The following GTF2IRD2 variants were observed in gnomAD, a reference collection of about 807,000 sequenced individuals.
GTF2IRD2 encodes general transcription factor II-I repeat domain-containing protein 2A.
A neutral mutation model predicts 49.2 loss-of-function variants in GTF2IRD2; 8 were observed. The ratio of observed to expected loss-of-function variants is 0.16; its 90% confidence interval spans 0.10 to 0.29. The LOEUF is 0.29. Among genes scored for constraint, GTF2IRD2 ranks in the 10% least tolerant of loss-of-function variants. The pLI, the probability that GTF2IRD2 is intolerant of heterozygous loss-of-function variation, is 1.00. For missense variants in GTF2IRD2, 130 were observed against 725.7 expected (o/e 0.18, Z 9.43); for synonymous variants, 47 against 289.7 (o/e 0.16, Z 8.51).
chr7:74,808,741 A>AT lies in GTF2IRD2; in HGVS notation c.871+366dup, dbSNP rs371258922. 3.9e-4 allele frequency among the ~76,000 whole-genome samples: 25 copies of AT among 64,466 alleles called. 2 individuals carry two copies. The highest frequency in any genetic ancestry group is 4.0e-3 in the East Asian group (2 of 500). 42.3% of individuals were successfully genotyped at this position (64,466 alleles called of 152,430 possible). A position where few individuals can be genotyped will look rare whatever the true frequency, so the allele number is the denominator to read the frequency against. The stretch of plus-strand genomic sequence containing the variant: ...TAGAGATTTCAATCTCTTCCCCACA[A>AT]TTTTTTTTTTTTTTTAGATGGAATC... On this transcript the variant is annotated intron_variant, in intron 11 of 15. Coordinates refer to ENST00000451013, the MANE Select transcript of GTF2IRD2 (RefSeq NM_173537.5).
chr7:74,838,345 T>C (rs1800490492), intron 1 of GTF2IRD2, among the ~76,000 whole-genome samples: 1 of 132,088 alleles, frequency 7.6e-6, no homozygotes, highest in African/African-American at 3.9e-5. Context: ...TTCGGACTTC[T>C]GTCTCCTAAA....
At chr7:74,831,504 T>TATACAC (rs1799859498) in intron 3 of GTF2IRD2, among the ~76,000 whole-genome samples, 1 of 119,460 alleles carries the variant, frequency 8.4e-6, no homozygotes, top group African/African-American at 3.0e-5. Flanking sequence ...TCTCTGTACA[T>TATACAC]ACACACACAC....
rs1180103716 is a variant in GTF2IRD2 at position 74,835,997 on chromosome 7, C to A, written c.99+283G>T. Reference sequence around the variant, plus strand: ...AAGACTCTGTCTCAAAAAAAAAAAACAAAAATTAGCTGGATGTGGTGGCTG... The same window carrying A: ...AAGACTCTGTCTCAAAAAAAAAAAAAAAAAATTAGCTGGATGTGGTGGCTG... On this transcript the variant is annotated intron_variant, in intron 2 of 15. Transcript: ENST00000451013. 6.5e-4 allele frequency among the ~76,000 whole-genome samples: 73 copies of A among 112,570 alleles called. 1 individual carries two copies. The highest frequency in any genetic ancestry group is 1.1e-3 in the Non-Finnish European group (64 of 59,042). The allele number at this position is 112,570 out of a possible 152,430, so 73.9% of individuals were successfully genotyped here.
rs782509148 is a variant in GTF2IRD2 at position 74,824,979 on chromosome 7, C to T, written c.312G>A (p.Thr104=). The part of the protein sequence containing the change: ...VNGMQVHSGE[T]EILRKAVEDY... ...CCTCCACTGCCTTCCTGAGTATTTC[C>T]GTTTCGCCTGAGTGGACCTGCATCC... Residue 104 remains threonine, a synonymous_variant, in exon 4 of 16, where the codon ACG becomes ACA. Transcript: ENST00000451013. The T allele has an allele frequency of 9.1e-6, 5 of 547,288 alleles. 1 individual carries two copies. Among genetic ancestry groups the T allele is most frequent in the South Asian group, 3.0e-5 (1 of 33,750 alleles). 33.9% of individuals were successfully genotyped at this position (547,288 alleles called of 1,614,324 possible).
chr7:74,827,083 T>TGATG (rs1554419808), intron 3 of GTF2IRD2, among the ~76,000 whole-genome samples: 1 of 150,364 alleles, frequency 6.7e-6, no homozygotes, highest in African/African-American at 2.4e-5. Flanking sequence ...CGTCATCTGG[T>TGATG]GATGGATGCT....
chr7:74,841,915 A>G (rs1554421913), intron 1 of GTF2IRD2, among the ~76,000 whole-genome samples: 1 of 139,104 alleles, frequency 7.2e-6, no homozygotes, highest in African/African-American at 2.9e-5. Flanking sequence ...CACGAGGTCA[A>G]GAGATCGAGA....
In GTF2IRD2 at chr7:74,797,391, G is replaced by C. The variant is rs143204903; in HGVS notation, c.2121C>G (p.Tyr707Ter). 2.5e-4 allele frequency: 399 copies of C among 1,587,804 alleles called. 10 individuals are homozygous for C. In the South Asian group the frequency reaches 4.2e-3, roughly 17 times the overall value. Reference sequence around the variant, plus strand: ...GACTGAGCCACTTAATCTCCGTGTAGTACAGGAGGCTACCATACTGGCTGT... The same window carrying C: ...GACTGAGCCACTTAATCTCCGTGTACTACAGGAGGCTACCATACTGGCTGT... Reference protein sequence around the residue: ...ELDSQYGSLLYYTEIKWLSRG... With the variant: ...ELDSQYGSLL Residue 707 changes from tyrosine (Y) to a stop codon, truncating the protein, a stop_gained, in exon 16 of 16, where the codon TAC becomes TAG. Transcript: ENST00000451013. LOFTEE classifies it high-confidence loss of function.
chr7:74,797,515 T>C lies in GTF2IRD2; in HGVS notation c.1997A>G (p.Lys666Arg). 2.5e-6 allele frequency: 4 copies of C among 1,581,614 alleles called. No individual in the cohort carries two copies. Among genetic ancestry groups the C allele is most frequent in the Non-Finnish European group, 2.6e-6 (3 of 1,154,130 alleles). The change falls in exon 16 of 16, where the codon AAG (lysine) becomes AGG (arginine). Residue 666 changes from lysine to arginine, a missense_variant. By Grantham distance (26) the Lys-to-Arg change is conservative (BLOSUM62 2). Coordinates refer to ENST00000451013, the MANE Select transcript of GTF2IRD2 (RefSeq NM_173537.5). ...HPESLCAQKL[K>R]MDHVMDVVVK... Reference sequence around the variant, plus strand: ...TACCACGTCCATGACGTGGTCCATCTTCAACTTCTGAGCACAGAGTGATTC... The same window carrying C: ...TACCACGTCCATGACGTGGTCCATCCTCAACTTCTGAGCACAGAGTGATTC...
chr7:74,841,148 C>T (rs1554421789), intron 1 of GTF2IRD2, among the ~76,000 whole-genome samples: 1 of 142,512 alleles, frequency 7.0e-6, no homozygotes, highest in South Asian at 2.3e-4. Flanking sequence ...CATGCCCAGC[C>T]TTATTTTATA....
chr7:74,798,067 C>T lies in GTF2IRD2; in HGVS notation c.1445G>A (p.Arg482His), dbSNP rs373800942. ...TTTCAGCTCGTGAAGCTTCTCGTCACGCATTCTTTCCATATACTGGTCATA... is the reference window on the plus strand; with the variant it reads ...TTTCAGCTCGTGAAGCTTCTCGTCATGCATTCTTTCCATATACTGGTCATA... ...KHYDQYMERM[R>H]DEKLHELKKG... Residue 482 changes from arginine to histidine, a missense_variant, in exon 16 of 16, where the codon CGT becomes CAT. Physicochemically the swap from Arg to His is conservative, Grantham distance 29. Transcript: ENST00000451013. 124 of 1,595,094 alleles carry T rather than the reference C, an allele frequency of 7.8e-5. 1 individual carries two copies. Among genetic ancestry groups the T allele is most frequent in the East Asian group, 5.2e-4 (23 of 44,222 alleles).
At chr7:74,841,578 C>T (rs1405464406) in intron 1 of GTF2IRD2, among the ~76,000 whole-genome samples, 1 of 140,224 alleles carries the variant, frequency 7.1e-6, no homozygotes, top group Non-Finnish European at 1.5e-5. Flanking sequence ...AGCCATCCTT[C>T]CCCCTCATCC....
intron 15 of GTF2IRD2, among the ~76,000 whole-genome samples, chr7:74,798,786 A>G (rs71231097): frequency 0.83 from 98,484 of 118,492 alleles, 41,335 homozygotes; most frequent in East Asian, 0.96. Flanking sequence ...TGGGATTACA[A>G]GCATGAGCCA....
At position 74,851,300 on chromosome 7, in the gene GTF2IRD2, G is replaced by T. The variant is rs1450921045; in HGVS notation, c.-6+67C>A. ...CGGCCTCCCTTCCCCAGGCCCTCAG[G>T]AGGAGGACGTTCCGAAAGGCAACCC... On this transcript the variant is annotated intron_variant, in intron 1 of 15. Transcript: ENST00000451013. 6 of 45,946 alleles carry T rather than the reference G, an allele frequency of 1.3e-4. 3 individuals are homozygous for T. Among genetic ancestry groups the T allele is most frequent in the African/African-American group, 8.2e-4 (6 of 7,348 alleles). 2.8% of individuals were successfully genotyped at this position (45,946 alleles called of 1,614,324 possible).
rs1554421938 is a variant in GTF2IRD2 at position 74,841,996 on chromosome 7, C to T, written c.-5-5613G>A. Among the ~76,000 whole-genome samples the T allele has an allele frequency of 4.6e-5, 6 of 131,260 alleles. 1 individual carries two copies. The East Asian group carries it at 9.0e-4, about 20-fold the overall frequency. 86.1% of individuals were successfully genotyped at this position (131,260 alleles called of 152,430 possible). On this transcript the variant is annotated intron_variant, in intron 1 of 15. Coordinates refer to ENST00000451013, the MANE Select transcript of GTF2IRD2 (RefSeq NM_173537.5). ...AAAATTAGCCGGGCATGGTGGCGCA[C>T]GCCTGTAGTCCCAGCTACTCGGGAG...
chr7:74,838,067 AT>A (rs1312320051), intron 1 of GTF2IRD2, among the ~76,000 whole-genome samples: 1 of 76,040 alleles, frequency 1.3e-5, no homozygotes, highest in East Asian at 3.8e-4. Flanking sequence ...AGCCTTTTAC[AT>A]TTATTTTTAT....
chr7:74,842,125 C>A (rs1272435614), intron 1 of GTF2IRD2, among the ~76,000 whole-genome samples: 1 of 44,254 alleles, frequency 2.3e-5, no homozygotes, highest in Non-Finnish European at 3.7e-5. Context: ...CTCCGTCTCA[C>A]AAAAAAAACA....
At chr7:74,831,359 T>C (rs1411490193) in intron 3 of GTF2IRD2, among the ~76,000 whole-genome samples, 1 of 151,182 alleles carries the variant, frequency 6.6e-6, no homozygotes, top group Non-Finnish European at 1.5e-5. Flanking sequence ...TTATCTAATC[T>C]GTCTATATAC....
At chr7:74,822,560 TAAAATTAGGC>T (rs1554418839) in intron 5 of GTF2IRD2, 54 bp downstream of exon 5, 1 of 580,920 alleles carries the variant, frequency 1.7e-6, no homozygotes, top group East Asian at 2.9e-5. Context: ...ACGAGTGAAT[TAAAATTAGGC>T]TATTGGTTTC....
intron 6 of GTF2IRD2, chr7:74,821,982 G>C (rs1798927054): frequency 3.6e-6 from 1 of 281,646 alleles, no homozygotes; most frequent in Non-Finnish European, 6.8e-6. Flanking sequence ...GCACATGTGT[G>C]CCACAATGGC....
Sources: gnomAD v4.1 joint callset for allele counts (sites outside exome capture counted in the v4.1 genomes callset) on GRCh38, gnomAD v4.1.1 for gene constraint, MANE v1.5 for transcripts, NCBI Gene and HGNC (gene_info 2026-07-23, HGNC 2026-07-21) for gene names.